The following TMEM132C variants were observed in gnomAD, a reference collection of about 807,000 sequenced individuals.
TMEM132C encodes transmembrane protein 132C, also known as protein phosphatase 1, regulatory subunit 152.
Under a neutral mutation model 61.4 loss-of-function variants are expected in TMEM132C, and 29 were observed. The observed-to-expected ratio is 0.47, with a 90% CI of 0.35 to 0.64. The LOEUF (loss-of-function observed/expected upper bound fraction) is 0.64. Ranked by LOEUF, TMEM132C falls within the 30% of genes least tolerant of loss-of-function variation. The probability of loss-of-function intolerance (pLI) is 0.00; values close to 1 mark genes in which losing one functional copy is unlikely to be tolerated. For synonymous variants in TMEM132C, 656 were observed against 633.1 expected (o/e 1.04, Z -0.54); for missense variants, 1,408 against 1,476.9 (o/e 0.95, Z 0.76).
At chr12:128,362,374 T>C (rs1402937946) in intron 1 of TMEM132C, among the ~76,000 whole-genome samples, 1 of 152,118 alleles carries the variant, frequency 6.6e-6, no homozygotes, top group African/African-American at 2.4e-5. Context: ...AATTACCCAT[T>C]GTGAGACTGT....
At chr12:128,311,023 T>TA (rs199652909) in intron 1 of TMEM132C, among the ~76,000 whole-genome samples, 37 of 152,280 alleles carry the variant, frequency 2.4e-4, no homozygotes, top group African/African-American at 8.4e-4. Flanking sequence ...TCTATCAATA[T>TA]AAAAAATAAA....
chr12:128,477,552 G>C (rs1336253175), intron 2 of TMEM132C, among the ~76,000 whole-genome samples: 1 of 151,416 alleles, frequency 6.6e-6, no homozygotes, highest in Non-Finnish European at 1.5e-5. Flanking sequence ...TGATAGGCAG[G>C]CACCATTTTG....
intron 1 of TMEM132C, among the ~76,000 whole-genome samples, chr12:128,297,939 T>G (rs976796526): frequency 6.6e-6 from 1 of 152,242 alleles, no homozygotes. Flanking sequence ...CTCATGATGA[T>G]GACTTCAATA....
At chr12:128,478,019 A>G (rs1432428917) in intron 2 of TMEM132C, among the ~76,000 whole-genome samples, 2 of 152,240 alleles carry the variant, frequency 1.3e-5, no homozygotes, top group African/African-American at 4.8e-5. Flanking sequence ...TTTTCTCACT[A>G]GGACTTCAAG....
At chr12:128,285,621 G>A (rs982853393) in intron 1 of TMEM132C, among the ~76,000 whole-genome samples, 1 of 151,142 alleles carries the variant, frequency 6.6e-6, no homozygotes, top group Non-Finnish European at 1.5e-5. Context: ...TGAATAGGGC[G>A]TCAAGGACAT....
chr12:128,522,102 G>A (rs1872924813), intron 2 of TMEM132C, among the ~76,000 whole-genome samples: 1 of 152,126 alleles, frequency 6.6e-6, no homozygotes, highest in Admixed American at 6.6e-5. Context: ...CTTGACACAC[G>A]GCCAGAAAAC....
chr12:128,494,913 T>C (rs1392209150), intron 2 of TMEM132C, among the ~76,000 whole-genome samples: 1 of 151,586 alleles, frequency 6.6e-6, no homozygotes, highest in Non-Finnish European at 1.5e-5. Context: ...CTCTTGCTTC[T>C]CTAGTTCTTT....
intron 1 of TMEM132C, among the ~76,000 whole-genome samples, chr12:128,306,498 G>A (rs1871790430): frequency 6.6e-6 from 1 of 151,986 alleles, no homozygotes; most frequent in Admixed American, 6.5e-5. Context: ...CACCGCACCT[G>A]GCCACCCTGT....
At chr12:128,556,828 C>G (rs901349865) in intron 3 of TMEM132C, among the ~76,000 whole-genome samples, 4 of 152,180 alleles carry the variant, frequency 2.6e-5, no homozygotes, top group African/African-American at 9.7e-5. Context: ...CTGCCCCTGA[C>G]TGCTCCTGCC....
At chr12:128,668,582 A>T (rs570476192) in intron 4 of TMEM132C, among the ~76,000 whole-genome samples, 1 of 152,300 alleles carries the variant, frequency 6.6e-6, no homozygotes, top group South Asian at 2.1e-4. Flanking sequence ...GCAATCCAGG[A>T]TCTAGCCCGT....
At chr12:128,437,059 C>A (rs1385658396) in intron 2 of TMEM132C, among the ~76,000 whole-genome samples, 1 of 152,096 alleles carries the variant, frequency 6.6e-6, no homozygotes, top group Non-Finnish European at 1.5e-5. Context: ...GAAAACCAGA[C>A]ACCACATGTT....
intron 1 of TMEM132C, among the ~76,000 whole-genome samples, chr12:128,406,997 G>C (rs189116880): frequency 1.3e-5 from 2 of 152,230 alleles, no homozygotes; most frequent in African/African-American, 4.8e-5. Flanking sequence ...GTTGTGAAGA[G>C]CTAATTGACA....
chr12:128,427,387 G>GGGGTGTGTGT (rs1555223960), intron 2 of TMEM132C, among the ~76,000 whole-genome samples: 1 of 132,294 alleles, frequency 7.6e-6, no homozygotes, highest in East Asian at 2.2e-4. Context: ...CTTCCAAAGG[G>GGGGTGTGTGT]GTGTGTGTGT....
Position 128,623,440 on chromosome 12 carries a change from T to C in TMEM132C, c.1305+7105T>C, listed in dbSNP as rs193141721. On this transcript the variant is annotated intron_variant, in intron 4 of 8. Coordinates refer to ENST00000435159, the MANE Select transcript of TMEM132C (RefSeq NM_001136103.3). ...ATAATTTTATATATATATATGTATATATATAATTTTAAAAAAATGAAACCT... is the reference window on the plus strand; with the variant it reads ...ATAATTTTATATATATATATGTATACATATAATTTTAAAAAAATGAAACCT... Among the ~76,000 whole-genome samples, 979 of 148,226 alleles carry C rather than the reference T, an allele frequency of 6.6e-3. 12 individuals are homozygous for C. The highest frequency in any genetic ancestry group is 0.023 in the African/African-American group (937 of 40,016).
intron 1 of TMEM132C, among the ~76,000 whole-genome samples, chr12:128,282,648 C>T (rs1042143195): frequency 1.3e-4 from 20 of 152,220 alleles, no homozygotes; most frequent in African/African-American, 2.9e-4. Flanking sequence ...CAAACCATAT[C>T]AACTATTGTC....
intron 1 of TMEM132C, among the ~76,000 whole-genome samples, chr12:128,410,738 T>A (rs929572438): frequency 1.1e-4 from 16 of 152,184 alleles, no homozygotes; most frequent in Non-Finnish European, 8.8e-5. Context: ...AGATGTTCTC[T>A]TATATAAGTA....
At chr12:128,460,321 T>A (rs1006794821) in intron 2 of TMEM132C, among the ~76,000 whole-genome samples, 1 of 152,196 alleles carries the variant, frequency 6.6e-6, no homozygotes, top group Non-Finnish European at 1.5e-5. Context: ...CTTTCTTCTG[T>A]GATGGCTTCA....
At chr12:128,309,726 CTTTT>C (rs1212792170) in intron 1 of TMEM132C, among the ~76,000 whole-genome samples, 1 of 144,500 alleles carries the variant, frequency 6.9e-6, no homozygotes, top group African/African-American at 2.5e-5. Context: ...TCCTTTTTTT[CTTTT>C]TTTTTTTTCT....
At chr12:128,503,981 A>G (rs1013472121) in intron 2 of TMEM132C, among the ~76,000 whole-genome samples, 1 of 152,230 alleles carries the variant, frequency 6.6e-6, no homozygotes, top group African/African-American at 2.4e-5. Flanking sequence ...GTGAACAGAC[A>G]GACAGTGCTG....
Sources: gnomAD v4.1 joint callset for allele counts (sites outside exome capture counted in the v4.1 genomes callset) on GRCh38, gnomAD v4.1.1 for gene constraint, MANE v1.5 for transcripts, NCBI Gene and HGNC (gene_info 2026-07-23, HGNC 2026-07-21) for gene names.